PZP: variants seen among roughly 807,000 people sequenced by gnomAD.
PZP encodes PZP alpha-2-macroglobulin like.
PZP carries 150 observed loss-of-function variants against 179.8 expected under a neutral mutation model. The ratio of observed to expected loss-of-function variants is 0.83; its 90% confidence interval spans 0.73 to 0.96. The LOEUF (loss-of-function observed/expected upper bound fraction) is 0.96. PZP is among the 40% of genes least tolerant of loss of function. The pLI is 0.00. For synonymous variants in PZP, 624 were observed against 652.3 expected (o/e 0.96, Z 0.66); for missense variants, 1,689 against 1,764.0 (o/e 0.96, Z 0.76).
the PZP span, among the ~76,000 whole-genome samples, chr12:9,139,446 T>G: frequency 6.6e-6 from 1 of 152,186 alleles, no homozygotes; most frequent in Non-Finnish European, 1.5e-5. Flanking sequence ...GTCCATTTGG[T>G]CTATTGTGTT....
chr12:9,181,102 G>A lies in PZP; in HGVS notation c.1720C>T (p.Pro574Ser), dbSNP rs1464421353. The part of the protein sequence containing the change: ...VDLSFSPAQS[P>S]PASHAHLQVA... ...TGCAGGTGGGCATGTGAGGCTGGGGGACTTTGTGCTGGGCTGAAGCTCAAA... is the reference window on the plus strand; with the variant it reads ...TGCAGGTGGGCATGTGAGGCTGGGGAACTTTGTGCTGGGCTGAAGCTCAAA... The change falls in exon 15 of 36, where the codon CCC becomes TCC. Residue 574 changes from proline to serine, a missense_variant. By Grantham distance (74) the Pro-to-Ser change is moderately conservative (BLOSUM62 -1). Around this residue, in one of 3 missense-constraint regions of PZP, gnomAD observed 742 missense variants for 730.5 expected, o/e 1.02. Coordinates refer to ENST00000261336, the MANE Select transcript of PZP (RefSeq NM_002864.3). 2 of 1,614,006 alleles carry A rather than the reference G, an allele frequency of 1.2e-6. No individual in the cohort carries two copies. Among genetic ancestry groups the A allele is most frequent in the Non-Finnish European group, 8.5e-7 (1 of 1,180,000 alleles).
At chr12:9,197,595 T>C (rs1429088098) in intron 7 of PZP, among the ~76,000 whole-genome samples, 1 of 76,452 alleles carries the variant, frequency 1.3e-5, no homozygotes, top group Non-Finnish European at 2.4e-5. Flanking sequence ...ATATAATATA[T>C]AAATATAATA....
intron 1 of PZP, among the ~76,000 whole-genome samples, chr12:9,206,648 T>C (rs16861): frequency 0.055 from 8,410 of 152,282 alleles, 338 homozygotes; most frequent in Non-Finnish European, 0.075. Flanking sequence ...ATTGGTTCTC[T>C]TTTGTAGTCT....
chr12:9,200,862 T>C, intron 6 of PZP, 30 bp downstream of exon 6: 1 of 1,590,592 alleles, frequency 6.3e-7, no homozygotes, highest in Non-Finnish European at 8.6e-7. Context: ...ACCAAAATGT[T>C]ATGCCTTTTT....
Position 9,201,335 on chromosome 12 carries a change from A to G in PZP, c.493T>C (p.Tyr165His), listed in dbSNP as rs745763355. Residue 165 changes from tyrosine (Y) to histidine (H), a missense_variant, in exon 5 of 36, where the codon TAC becomes CAC. Tyr to His is a moderately conservative substitution (Grantham distance 83, BLOSUM62 2). This residue lies in a region of PZP where 742 missense variants were observed against 730.5 expected (regional missense o/e 1.02). Coordinates refer to ENST00000261336, the MANE Select transcript of PZP (RefSeq NM_002864.3). ...CTTTTTCTGATACTTACCTCAAGGT[A>G]TATCAGTGGAATCTATATGATAAAA... ...RPRNELIPLIYLENPRRNRIA... is the reference protein window; with the variant it reads ...RPRNELIPLIHLENPRRNRIA... 1 of 1,556,904 alleles carries G rather than the reference A, an allele frequency of 6.4e-7. No individual in the cohort carries two copies. Among genetic ancestry groups the G allele is most frequent in the South Asian group, 1.1e-5 (1 of 89,092 alleles).
rs1485581036 is a variant in PZP at position 9,165,918 on chromosome 12, T to G, written c.2258+134A>C. ...GAGCCTATGCAATTGCGCATTTTACTTAGGTCTATCCTAAAGAGGAAGAGG... is the reference window on the plus strand; with the variant it reads ...GAGCCTATGCAATTGCGCATTTTACGTAGGTCTATCCTAAAGAGGAAGAGG... On this transcript the variant is annotated intron_variant, in intron 18 of 35. Transcript: ENST00000261336. The G allele has an allele frequency of 2.7e-6, 3 of 1,097,476 alleles. No homozygotes were observed. The African/African-American group carries it at 4.7e-5, about 17-fold the overall frequency. 68.0% of individuals were successfully genotyped at this position (1,097,476 alleles called of 1,614,324 possible).
At chr12:9,186,715 G>A (rs774115533) in intron 13 of PZP, among the ~76,000 whole-genome samples, 2 of 152,174 alleles carry the variant, frequency 1.3e-5, no homozygotes, top group South Asian at 4.1e-4. Context: ...CATGGATGAA[G>A]CTGGAAACTG....
At chr12:9,191,994 T>C (rs1791646534) in intron 13 of PZP, among the ~76,000 whole-genome samples, 199 bp downstream of exon 13, 1 of 152,214 alleles carries the variant, frequency 6.6e-6, no homozygotes. Context: ...GCAGAGTGAC[T>C]GATACAGAGT....
chr12:9,160,844 G>A (rs1038006266), intron 23 of PZP, among the ~76,000 whole-genome samples, 189 bp downstream of exon 23: 5 of 151,964 alleles, frequency 3.3e-5, no homozygotes, highest in Non-Finnish European at 7.4e-5. Context: ...GAACCCAGGA[G>A]GCGGAGCTTG....
chr12:9,171,005 G>C (rs1436397121), intron 15 of PZP, among the ~76,000 whole-genome samples: 1 of 152,178 alleles, frequency 6.6e-6, no homozygotes, highest in Non-Finnish European at 1.5e-5. Flanking sequence ...AAGCAGCCAG[G>C]CTGCTTCTTT....
At chr12:9,204,025 T>C in intron 1 of PZP, 74 bp from the exon 2 acceptor site, 1 of 1,353,288 alleles carries the variant, frequency 7.4e-7, no homozygotes, top group Non-Finnish European at 1.0e-6. Context: ...TGTGTTTTCA[T>C]AACAATATGT....
At chr12:9,194,549 C>T (rs1199802431) in intron 10 of PZP, among the ~76,000 whole-genome samples, 1 of 146,342 alleles carries the variant, frequency 6.8e-6, no homozygotes, top group African/African-American at 2.5e-5. Flanking sequence ...ACTGCAAGCT[C>T]TGCCTCCTGG....
chr12:9,195,612 T>TTTTA (rs1943728705), intron 10 of PZP, among the ~76,000 whole-genome samples: 1 of 63,430 alleles, frequency 1.6e-5, no homozygotes, highest in African/African-American at 5.5e-5. Flanking sequence ...CCACTGCTAA[T>TTTTA]TTTTTTTTTT....
At chr12:9,157,139 TC>T (rs1439467066) in intron 28 of PZP, 35 bp downstream of exon 28, 2 of 1,588,890 alleles carry the variant, frequency 1.3e-6, no homozygotes, top group Non-Finnish European at 1.7e-6. Context: ...GTCTATGTGT[TC>T]TCATTGTTCA....
At chr12:9,151,725 G>C (rs1187109699) in intron 32 of PZP, 53 bp from the exon 33 acceptor site, 1 of 1,428,602 alleles carries the variant, frequency 7.0e-7, no homozygotes, top group African/African-American at 1.4e-5. Flanking sequence ...TGTGAGAATG[G>C]TGTGAGATCT....
At chr12:9,183,735 G>A (rs1244494898) in intron 13 of PZP, among the ~76,000 whole-genome samples, 1 of 152,128 alleles carries the variant, frequency 6.6e-6, no homozygotes, top group East Asian at 1.9e-4. Context: ...GAGATTGGTG[G>A]CACTCAATTA....
chr12:9,156,686 C>T (rs1940779309), intron 28 of PZP, among the ~76,000 whole-genome samples: 1 of 152,170 alleles, frequency 6.6e-6, no homozygotes, highest in Non-Finnish European at 1.5e-5. Flanking sequence ...ATGTTCTGCT[C>T]TGTGTAACAT....
At chr12:9,153,045 C>T in intron 30 of PZP, 80 bp downstream of exon 30, 1 of 1,604,576 alleles carries the variant, frequency 6.2e-7, no homozygotes, top group South Asian at 1.1e-5. Context: ...TTTTACTTTC[C>T]CAGGAAGGAA....
intron 10 of PZP, among the ~76,000 whole-genome samples, chr12:9,195,871 A>G (rs1345449573): frequency 3.8e-5 from 3 of 79,414 alleles, no homozygotes. Context: ...TAAAAATATA[A>G]TAATAATAAC....
Sources: gnomAD v4.1 joint callset for allele counts (sites outside exome capture counted in the v4.1 genomes callset) on GRCh38, gnomAD v4.1.1 for gene constraint, gnomAD v4.1.1 regional missense constraint, MANE v1.5 for transcripts, NCBI Gene and HGNC (gene_info 2026-07-23, HGNC 2026-07-21) for gene names.